The following SYT1 variants were observed in gnomAD, a reference collection of about 807,000 sequenced individuals.
SYT1 encodes synaptotagmin-1.
Under a neutral mutation model 44.8 loss-of-function variants are expected in SYT1, and 8 were observed. The observed-to-expected ratio is 0.18, with a 90% CI of 0.10 to 0.32. The LOEUF (loss-of-function observed/expected upper bound fraction) is 0.32. Among genes scored for constraint, SYT1 ranks in the 10% least tolerant of loss-of-function variants. The probability of loss-of-function intolerance (pLI) is 1.00; values close to 1 mark genes in which losing one functional copy is unlikely to be tolerated. For synonymous variants in SYT1, 154 were observed against 188.8 expected, an observed-to-expected ratio of 0.82 and a Z score of 1.51; for missense variants, 286 against 509.3, an observed-to-expected ratio of 0.56 and a Z score of 4.22.
chr12:78,917,600 T>TA (rs1346359463), intron 1 of SYT1, among the ~76,000 whole-genome samples: 2 of 149,822 alleles, frequency 1.3e-5, no homozygotes, highest in African/African-American at 4.9e-5. Flanking sequence ...CCCTAGAACT[T>TA]AAAGTATAAT....
intron 1 of SYT1, among the ~76,000 whole-genome samples, chr12:78,891,267 A>C (rs1052563143): frequency 1.3e-5 from 2 of 151,916 alleles, no homozygotes; most frequent in Non-Finnish European, 2.9e-5. Context: ...TTTCTCATTT[A>C]CTAATCATAG....
chr12:79,257,764 G>C (rs1307115436), intron 4 of SYT1, among the ~76,000 whole-genome samples: 2 of 152,216 alleles, frequency 1.3e-5, no homozygotes, highest in Non-Finnish European at 2.9e-5. Flanking sequence ...TGGGATTACA[G>C]GCGTGAGCCA....
At chr12:79,405,743 A>T (rs1291487838) in intron 9 of SYT1, among the ~76,000 whole-genome samples, 1 of 152,168 alleles carries the variant, frequency 6.6e-6, no homozygotes, top group Non-Finnish European at 1.5e-5. Flanking sequence ...CTACTCTATG[A>T]TGCCATCAGG....
At chr12:79,362,878 T>C (rs969466354) in intron 9 of SYT1, among the ~76,000 whole-genome samples, 3 of 152,200 alleles carry the variant, frequency 2.0e-5, no homozygotes, top group African/African-American at 7.2e-5. Context: ...ATTTGGGTTG[T>C]AAATACGTGT....
intron 4 of SYT1, among the ~76,000 whole-genome samples, chr12:79,234,772 G>T (rs146910969): frequency 1.4e-5 from 2 of 145,216 alleles, no homozygotes; most frequent in Non-Finnish European, 3.0e-5. Context: ...GTGCAGTGGC[G>T]CAATCTTGGC....
At position 78,979,344 on chromosome 12, in the gene SYT1, T is replaced by C. The variant is rs536461708; in HGVS notation, c.-84+1413T>C. On this transcript the variant is annotated intron_variant, in intron 2 of 10. Coordinates refer to ENST00000261205, the MANE Select transcript of SYT1 (RefSeq NM_005639.3). Reference sequence around the variant, plus strand: ...TTTCATCTTCTTTCCTACAACTATTTTGAGAAACATCTCAAAATGTGGTCT... The same window carrying C: ...TTTCATCTTCTTTCCTACAACTATTCTGAGAAACATCTCAAAATGTGGTCT... 2.0e-5 allele frequency among the ~76,000 whole-genome samples: 3 copies of C among 152,284 alleles called. No individual in the cohort carries two copies. In the East Asian group the frequency reaches 5.8e-4, roughly 29 times the overall value.
intron 9 of SYT1, among the ~76,000 whole-genome samples, chr12:79,369,755 C>T (rs891295485): frequency 2.0e-5 from 3 of 151,936 alleles, no homozygotes; most frequent in Non-Finnish European, 2.9e-5. Context: ...ATTGACTTGG[C>T]CTCATACTTT....
chr12:78,976,235 A>C (rs1179955452), intron 1 of SYT1, among the ~76,000 whole-genome samples: 1 of 152,188 alleles, frequency 6.6e-6, no homozygotes, highest in Non-Finnish European at 1.5e-5. Context: ...ACTGGCCAAA[A>C]AGAAGAAAAA....
intron 3 of SYT1, among the ~76,000 whole-genome samples, chr12:79,113,107 T>C: frequency 6.6e-6 from 1 of 152,172 alleles, no homozygotes; most frequent in East Asian, 1.9e-4. Context: ...TTATGTTTTT[T>C]ATTGCTGTTT....
At chr12:79,057,639 A>T (rs1007106471) in intron 3 of SYT1, among the ~76,000 whole-genome samples, 24 of 151,672 alleles carry the variant, frequency 1.6e-4, no homozygotes, top group Non-Finnish European at 5.9e-5. Context: ...GTACTTTAAA[A>T]TTTTTTTTCT....
chr12:79,322,606 T>G (rs953586523), intron 8 of SYT1, among the ~76,000 whole-genome samples: 1 of 152,136 alleles, frequency 6.6e-6, no homozygotes, highest in Admixed American at 6.5e-5. Context: ...GCCCCGTATT[T>G]CTGAACCAAA....
chr12:79,120,988 T>C (rs181508589), intron 3 of SYT1, among the ~76,000 whole-genome samples: 52 of 151,020 alleles, frequency 3.4e-4, no homozygotes, highest in Middle Eastern at 3.5e-3. Context: ...TATATATATA[T>C]ACACACACAC....
intron 3 of SYT1, among the ~76,000 whole-genome samples, chr12:79,199,197 C>A (rs1873635989): frequency 6.6e-6 from 1 of 152,080 alleles, no homozygotes; most frequent in African/African-American, 2.4e-5. Context: ...ACAACCAATT[C>A]AATTCAATTC....
At chr12:79,208,574 G>A (rs781082099) in intron 3 of SYT1, among the ~76,000 whole-genome samples, 5 of 152,168 alleles carry the variant, frequency 3.3e-5, no homozygotes, top group African/African-American at 1.2e-4. Flanking sequence ...AGAGGGATAC[G>A]AGAAGGAAAG....
intron 1 of SYT1, among the ~76,000 whole-genome samples, chr12:78,928,152 T>C (rs1877408709): frequency 6.6e-6 from 1 of 152,118 alleles, no homozygotes. Flanking sequence ...TTAGTAACTA[T>C]CATAGAAGCA....
intron 8 of SYT1, among the ~76,000 whole-genome samples, chr12:79,308,528 GAAAT>G (rs1555216033): frequency 3.3e-4 from 31 of 94,524 alleles, no homozygotes; most frequent in African/African-American, 1.2e-3. Flanking sequence ...AAAGAAAGAA[GAAAT>G]AAAGAAAGAA....
At chr12:79,369,352 T>G (rs1883689207) in intron 9 of SYT1, among the ~76,000 whole-genome samples, 3 of 152,164 alleles carry the variant, frequency 2.0e-5, no homozygotes, top group African/African-American at 7.2e-5. Context: ...GGCATATGCC[T>G]GTAGTCCTAA....
At chr12:79,326,968 C>G (rs1276356626) in intron 8 of SYT1, among the ~76,000 whole-genome samples, 2 of 152,136 alleles carry the variant, frequency 1.3e-5, no homozygotes, top group South Asian at 2.1e-4. Flanking sequence ...CTGGACAAGC[C>G]CTTTTCCACT....
rs66734159 is a variant in SYT1, at chr12:79,204,816, C to T, written c.-17-12687C>T. ...TTTTTTTTTTTGAGACGGAGTCTCTCTTTGTCGCCCAGGCTGGAGTGCAGT... is the reference window on the plus strand; with the variant it reads ...TTTTTTTTTTTGAGACGGAGTCTCTTTTTGTCGCCCAGGCTGGAGTGCAGT... On this transcript the variant is annotated intron_variant, in intron 3 of 10. Coordinates refer to ENST00000261205, the MANE Select transcript of SYT1 (RefSeq NM_005639.3). Among the ~76,000 whole-genome samples, 469 of 48,654 alleles carry T rather than the reference C, an allele frequency of 9.6e-3. 123 individuals are homozygous for T. The highest frequency in any genetic ancestry group is 0.011 in the Non-Finnish European group (276 of 25,894). 31.9% of individuals were successfully genotyped at this position (48,654 alleles called of 152,430 possible). A position where few individuals can be genotyped will look rare whatever the true frequency, so the allele number is the denominator to read the frequency against.
Sources: gnomAD v4.1 joint callset for allele counts (sites outside exome capture counted in the v4.1 genomes callset) on GRCh38, gnomAD v4.1.1 for gene constraint, MANE v1.5 for transcripts, NCBI Gene and HGNC (gene_info 2026-07-23, HGNC 2026-07-21) for gene names.